PPARGC1A: variants seen among roughly 807,000 people sequenced by gnomAD.
PPARGC1A encodes the protein PPARG coactivator 1 alpha, also known as peroxisome proliferator-activated receptor gamma coactivator 1-alpha.
A neutral mutation model predicts 88.7 loss-of-function variants in PPARGC1A; 25 were observed. The observed-to-expected ratio is 0.28, with a 90% CI of 0.21 to 0.39. PPARGC1A has a LOEUF of 0.39. Among genes scored for constraint, PPARGC1A ranks in the 10% least tolerant of loss-of-function variants. PPARGC1A has a pLI of 1.00. For synonymous variants in PPARGC1A, 363 were observed against 355.6 expected (o/e 1.02, Z -0.24); for missense variants, 880 against 968.7 (o/e 0.91, Z 1.22).
intron 10 of PPARGC1A, among the ~76,000 whole-genome samples, chr4:23,806,239 T>C (rs1254140652): frequency 6.6e-6 from 1 of 152,214 alleles, no homozygotes; most frequent in Non-Finnish European, 1.5e-5. Context: ...TTGATTTTCC[T>C]ACTGCTAAAA....
the PPARGC1A span, among the ~76,000 whole-genome samples, chr4:24,065,001 A>C: frequency 6.6e-6 from 1 of 152,184 alleles, no homozygotes; most frequent in Non-Finnish European, 1.5e-5. Context: ...TGAGCTCTCT[A>C]AAGAATGGGT....
chr4:23,820,689 A>G (rs763468636), intron 7 of PPARGC1A: 8 of 388,684 alleles, frequency 2.1e-5, no homozygotes, highest in Admixed American at 1.4e-4. Flanking sequence ...AGTTTAGGAC[A>G]ATCACAAAGA....
chr4:24,261,159 T>A, the PPARGC1A span, among the ~76,000 whole-genome samples: 5 of 152,160 alleles, frequency 3.3e-5, no homozygotes, highest in Non-Finnish European at 1.5e-5. Context: ...TAATAGAGAA[T>A]GTTTCCATTG....
the PPARGC1A span, among the ~76,000 whole-genome samples, chr4:23,994,806 G>A: frequency 1.3e-5 from 2 of 152,144 alleles, no homozygotes; most frequent in Non-Finnish European, 2.9e-5. Flanking sequence ...AAATGACAGT[G>A]ACTAGACATC....
the PPARGC1A span, among the ~76,000 whole-genome samples, chr4:23,997,588 C>T: frequency 1.3e-5 from 2 of 150,354 alleles, no homozygotes; most frequent in Non-Finnish European, 3.0e-5. Context: ...CTGCAACCTC[C>T]ACCTCCTGGG....
chr4:23,835,089 A>C (rs778201674), intron 2 of PPARGC1A, among the ~76,000 whole-genome samples: 2 of 152,218 alleles, frequency 1.3e-5, no homozygotes, highest in Non-Finnish European at 2.9e-5. Flanking sequence ...AAGAGTTAAG[A>C]ATATTTACCA....
chr4:24,447,937 T>C, the PPARGC1A span, among the ~76,000 whole-genome samples: 1 of 152,172 alleles, frequency 6.6e-6, no homozygotes, highest in East Asian at 1.9e-4. Flanking sequence ...TTTGCTTATT[T>C]AGACATTAAA....
the PPARGC1A span, among the ~76,000 whole-genome samples, chr4:24,457,525 T>G: frequency 2.3e-5 from 3 of 129,222 alleles, no homozygotes; most frequent in Non-Finnish European, 4.8e-5. Flanking sequence ...AAAGATACTG[T>G]TTTTTGTTTG....
the PPARGC1A span, among the ~76,000 whole-genome samples, chr4:24,319,852 T>G: frequency 6.6e-6 from 1 of 152,214 alleles, no homozygotes; most frequent in Admixed American, 6.5e-5. Context: ...CTAAAGTACC[T>G]CTTTCTGTCC....
At chr4:24,356,153 C>T in the PPARGC1A span, among the ~76,000 whole-genome samples, 210 of 150,220 alleles carry the variant, frequency 1.4e-3, no homozygotes, top group Non-Finnish European at 1.9e-3. Flanking sequence ...GCTGAGATCA[C>T]ACCACTGTAC....
At chr4:23,979,978 GT>G in the PPARGC1A span, among the ~76,000 whole-genome samples, 8 of 152,136 alleles carry the variant, frequency 5.3e-5, no homozygotes, top group East Asian at 1.6e-3. Context: ...TAGCCAGGGG[GT>G]AATTAGGGGA....
the PPARGC1A span, among the ~76,000 whole-genome samples, chr4:24,075,364 T>G: frequency 6.6e-6 from 1 of 152,198 alleles, no homozygotes; most frequent in East Asian, 1.9e-4. Flanking sequence ...GGTTAGCAAC[T>G]TCTCAGAACC....
chr4:24,073,565 C>G, the PPARGC1A span, among the ~76,000 whole-genome samples: 3 of 152,266 alleles, frequency 2.0e-5, no homozygotes, highest in Admixed American at 1.3e-4. Context: ...TGAGAAATGA[C>G]TGTATGCAAG....
intron 2 of PPARGC1A, chr4:23,882,540 G>A (rs1716150474): frequency 1.3e-5 from 2 of 152,018 alleles, no homozygotes. Context: ...CTTGTCCCCA[G>A]GGATAACAAC....
At chr4:24,232,211 A>G in the PPARGC1A span, among the ~76,000 whole-genome samples, 1 of 148,704 alleles carries the variant, frequency 6.7e-6, no homozygotes, top group African/African-American at 2.4e-5. Flanking sequence ...TGAAAAAAAA[A>G]AAATTCTGGA....
At chr4:24,384,611 G>T in the PPARGC1A span, among the ~76,000 whole-genome samples, 1 of 131,474 alleles carries the variant, frequency 7.6e-6, no homozygotes, top group South Asian at 2.6e-4. Flanking sequence ...TGATAAAACA[G>T]ACTTTAAACC....
At chr4:24,084,903 G>A in the PPARGC1A span, among the ~76,000 whole-genome samples, 4 of 152,242 alleles carry the variant, frequency 2.6e-5, no homozygotes, top group South Asian at 4.2e-4. Flanking sequence ...CTTCTATGGC[G>A]TCTGTGATCC....
the PPARGC1A span, among the ~76,000 whole-genome samples, chr4:24,369,205 T>TCA: frequency 6.6e-6 from 1 of 152,176 alleles, no homozygotes; most frequent in African/African-American, 2.4e-5. Flanking sequence ...GTATTTCTCT[T>TCA]TGGTCAGTGT....
At chr4:23,821,079 T>A (rs890678659) in intron 7 of PPARGC1A, among the ~76,000 whole-genome samples, 20 of 152,134 alleles carry the variant, frequency 1.3e-4, no homozygotes, top group African/African-American at 4.8e-4. Flanking sequence ...CTTAGAATCT[T>A]TCTCAACACG....
Sources: gnomAD v4.1 joint callset for allele counts (sites outside exome capture counted in the v4.1 genomes callset) on GRCh38, gnomAD v4.1.1 for gene constraint, MANE v1.5 for transcripts, NCBI Gene and HGNC (gene_info 2026-07-23, HGNC 2026-07-21) for gene names.